The following ACVR2B variants were observed in gnomAD, a reference collection of about 807,000 sequenced individuals.
ACVR2B encodes the protein activin A receptor type 2B, also known as activin receptor type-2B.
A neutral mutation model predicts 65.1 loss-of-function variants in ACVR2B; 18 were observed. That is an observed-to-expected ratio of 0.28 (90% CI 0.19 to 0.41). The LOEUF (loss-of-function observed/expected upper bound fraction) is 0.41. Ranked by LOEUF, ACVR2B falls within the 10% of genes least tolerant of loss-of-function variation. The probability of loss-of-function intolerance (pLI) is 1.00; values close to 1 mark genes in which losing one functional copy is unlikely to be tolerated. For missense variants in ACVR2B, 482 were observed against 682.7 expected (o/e 0.71, Z 3.28); for synonymous variants, 298 against 277.7 (o/e 1.07, Z -0.73).
intron 1 of ACVR2B, among the ~76,000 whole-genome samples, chr3:38,458,151 G>GT (rs1709581668): frequency 6.6e-6 from 1 of 152,130 alleles, no homozygotes; most frequent in African/African-American, 2.4e-5. Context: ...CCTCTACTGT[G>GT]TACTACTCTG....
chr3:38,468,554 G>T (rs1012365317), intron 1 of ACVR2B, among the ~76,000 whole-genome samples: 1 of 152,170 alleles, frequency 6.6e-6, no homozygotes, highest in African/African-American at 2.4e-5. Flanking sequence ...CATGATGAGT[G>T]GTGGTGGGAT....
intron 1 of ACVR2B, among the ~76,000 whole-genome samples, chr3:38,472,235 G>A (rs1451691628): frequency 6.6e-6 from 1 of 152,112 alleles, no homozygotes; most frequent in East Asian, 1.9e-4. Context: ...GGAGCTGGGG[G>A]CTGTGGAATC....
At chr3:38,467,796 TGAG>T (rs1015675519) in intron 1 of ACVR2B, among the ~76,000 whole-genome samples, 1 of 151,708 alleles carries the variant, frequency 6.6e-6, no homozygotes, top group Non-Finnish European at 1.5e-5. Context: ...ATTCTTCAGT[TGAG>T]AAGAAAGCAA....
chr3:38,468,835 T>C (rs1709774386), intron 1 of ACVR2B, among the ~76,000 whole-genome samples: 1 of 152,264 alleles, frequency 6.6e-6, no homozygotes, highest in African/African-American at 2.4e-5. Flanking sequence ...TAAACTACTT[T>C]ATTGCAGTTT....
intron 1 of ACVR2B, among the ~76,000 whole-genome samples, chr3:38,461,300 T>C (rs1033922240): frequency 2.0e-5 from 3 of 152,150 alleles, no homozygotes; most frequent in African/African-American, 7.2e-5. Context: ...TCTTATTTTA[T>C]GCACTTTTTG....
rs535044639 is a variant in ACVR2B, at chr3:38,465,977, A to C, written c.53-11310A>C. ...TGACAGCTAACTTCTCAATAGAAAC[A>C]GTGGAAGCCAGAAGATAATAGAATG... On this transcript the variant is annotated intron_variant, in intron 1 of 10. Coordinates refer to ENST00000352511, the MANE Select transcript of ACVR2B (RefSeq NM_001106.4). Among the ~76,000 whole-genome samples, 7 of 152,388 alleles carry C rather than the reference A, an allele frequency of 4.6e-5. No individual in the cohort carries two copies. The South Asian group carries it at 1.5e-3, about 32-fold the overall frequency.
chr3:38,470,833 G>T (rs2125717984), intron 1 of ACVR2B, among the ~76,000 whole-genome samples: 1 of 152,248 alleles, frequency 6.6e-6, no homozygotes, highest in East Asian at 1.9e-4. Flanking sequence ...CAACGGAATA[G>T]GAATGAGATG....
intron 1 of ACVR2B, among the ~76,000 whole-genome samples, chr3:38,469,594 T>C (rs35088960): frequency 1.4e-4 from 22 of 152,348 alleles, no homozygotes; most frequent in South Asian, 4.1e-4. Flanking sequence ...TATACCATCC[T>C]GTTCTCTGGT....
In ACVR2B at chr3:38,477,621, C is replaced by A; in HGVS notation, c.260+127C>A. 1 of 1,213,606 alleles carries A rather than the reference C, an allele frequency of 8.2e-7. No homozygotes were observed. The highest frequency in any genetic ancestry group is 1.2e-6 in the Non-Finnish European group (1 of 839,744). The allele number at this position is 1,213,606 out of a possible 1,614,324, so 75.2% of individuals were successfully genotyped here. A position where few individuals can be genotyped will look rare whatever the true frequency, so the allele number is the denominator to read the frequency against. The stretch of plus-strand genomic sequence containing the variant: ...CAAGAAGGGGCTCTTGAGATGGTAG[C>A]CATGGCCCCACGCCCTTCCACACCC... On this transcript the variant is annotated intron_variant, in intron 2 of 10. Transcript: ENST00000352511. This position sits in a 1 kb window ranked among gnomAD's most constrained non-coding sequence, Gnocchi z 6.7.
chr3:38,467,485 C>T (rs1709751054), intron 1 of ACVR2B, among the ~76,000 whole-genome samples: 2 of 151,498 alleles, frequency 1.3e-5, no homozygotes, highest in South Asian at 4.2e-4. Flanking sequence ...AGTGCAGTGG[C>T]TCATGCCTGT....
intron 1 of ACVR2B, chr3:38,476,872 G>A (rs1709918865): frequency 6.5e-6 from 2 of 308,008 alleles, no homozygotes; most frequent in Non-Finnish European, 6.2e-6. Context: ...TGTGCACTGG[G>A]GTTTTAAGGG....
chr3:38,481,332 T>G lies in ACVR2B; in HGVS notation c.960-19T>G, dbSNP rs41285125. The G allele has an allele frequency of 6.3e-7, 1 of 1,592,478 alleles. No homozygotes were observed. The highest frequency in any genetic ancestry group is 2.2e-5 in the East Asian group (1 of 44,768). On this transcript the variant is annotated intron_variant, in intron 7 of 10. Transcript: ENST00000352511. This position sits in a 1 kb window ranked among gnomAD's most constrained non-coding sequence, Gnocchi z 4.7. ...GGATCATGATGTTAAGCTTTATCTC[T>G]GCCCACTTGTTTCCACAGGGACTTT...
chr3:38,465,815 G>C (rs1267024258), intron 1 of ACVR2B, among the ~76,000 whole-genome samples: 1 of 152,206 alleles, frequency 6.6e-6, no homozygotes, highest in African/African-American at 2.4e-5. Flanking sequence ...AAGAAGTCCT[G>C]TGAATCCCAG....
At position 38,464,980 on chromosome 3, in the gene ACVR2B, A is replaced by G. The variant is rs556065986; in HGVS notation, c.52+10606A>G. ...TTTATGTCATCCTAGGCCTCGAATTATCTCTATAATTTTGCAAATACAATG... is the reference window on the plus strand; with the variant it reads ...TTTATGTCATCCTAGGCCTCGAATTGTCTCTATAATTTTGCAAATACAATG... On this transcript the variant is annotated intron_variant, in intron 1 of 10. Coordinates refer to ENST00000352511, the MANE Select transcript of ACVR2B (RefSeq NM_001106.4). Among the ~76,000 whole-genome samples the G allele has an allele frequency of 1.4e-4, 21 of 152,306 alleles. No homozygotes were observed. In the East Asian group the frequency reaches 4.0e-3, roughly 29 times the overall value.
intron 5 of ACVR2B, 40 bp downstream of exon 5, chr3:38,478,558 A>C (rs1200694705): frequency 6.2e-7 from 1 of 1,613,496 alleles, no homozygotes; most frequent in East Asian, 2.2e-5. Context: ...CTCTGCCTCC[A>C]CTGTAGCTTG....
chr3:38,460,542 T>G (rs1375079627), intron 1 of ACVR2B, among the ~76,000 whole-genome samples: 2 of 152,234 alleles, frequency 1.3e-5, no homozygotes, highest in Admixed American at 1.3e-4. Flanking sequence ...AGCCCCATGC[T>G]TTCCCCTGGT....
chr3:38,476,395 G>A (rs1709908180), intron 1 of ACVR2B: 1 of 152,256 alleles, frequency 6.6e-6, no homozygotes, highest in Non-Finnish European at 1.5e-5. Context: ...AGAATGATCT[G>A]TGATTGCAGG....
rs370286614 is a variant in ACVR2B at position 38,477,990 on chromosome 3, G to T, written c.370+20G>T. ...CGGAAGGTAAGGGGGCAGTGTGGAA[G>T]TGGGGCCTTGAGTCAGCCGACCTGG... On this transcript the variant is annotated intron_variant, in intron 3 of 10. Coordinates refer to ENST00000352511, the MANE Select transcript of ACVR2B (RefSeq NM_001106.4). The surrounding 1 kb of genome is among the most constrained non-coding windows in gnomAD (Gnocchi z 6.7). The T allele has an allele frequency of 2.1e-5, 34 of 1,613,110 alleles. No individual in the cohort carries two copies. The African/African-American group carries it at 4.1e-4, about 20-fold the overall frequency.
At position 38,454,382 on chromosome 3, in the gene ACVR2B, CTG is replaced by C. The variant is rs1709504660; in HGVS notation, c.52+9_52+10del. 1.6e-6 allele frequency: 2 copies of C among 1,254,368 alleles called. No homozygotes were observed. The highest frequency in any genetic ancestry group is 1.6e-5 in the African/African-American group (1 of 64,162). 77.7% of individuals were successfully genotyped at this position (1,254,368 alleles called of 1,614,324 possible). On this transcript the variant is annotated intron_variant, in intron 1 of 10. Transcript: ENST00000352511. ...GGGGATCGCTGTGCGCCGGTAAGAACTGGGCGCGGCGCGGGGACGCCGAGAGG... is the reference window on the plus strand; with the variant it reads ...GGGGATCGCTGTGCGCCGGTAAGAACGGCGCGGCGCGGGGACGCCGAGAGG...
Sources: gnomAD v4.1 joint callset for allele counts (sites outside exome capture counted in the v4.1 genomes callset) on GRCh38, gnomAD v4.1.1 for gene constraint, Gnocchi (gnomAD v3.1) non-coding constraint, MANE v1.5 for transcripts, NCBI Gene and HGNC (gene_info 2026-07-23, HGNC 2026-07-21) for gene names.